The following DENND10 variants were observed in gnomAD, a reference collection of about 807,000 sequenced individuals.
The protein encoded by DENND10 is DENN domain-containing protein 10.
In DENND10, 24 loss-of-function variants were observed where a neutral mutation model predicts 43.6. The ratio of observed to expected loss-of-function variants is 0.55; its 90% CI spans 0.40 to 0.77. DENND10 has a LOEUF of 0.77. Ranked by LOEUF, DENND10 falls within the 30% of genes least tolerant of loss-of-function variation. The pLI is 0.00. For synonymous variants in DENND10, 125 were observed against 157.6 expected (o/e 0.79, Z 1.55); for missense variants, 303 against 429.9 (o/e 0.70, Z 2.61).
intron 8 of DENND10, among the ~76,000 whole-genome samples, chr10:119,135,807 A>AAAAAAAAAAAAAAAAAAAAAAAAAC (rs1846318828): frequency 6.7e-6 from 1 of 150,100 alleles, no homozygotes; most frequent in Non-Finnish European, 1.5e-5. Context: ...AAAAAAAAAA[A>AAAAAAAAAAAAAAAAAAAAAAAAAC]AAAAAAAAAC....
intron 7 of DENND10, among the ~76,000 whole-genome samples, chr10:119,131,125 G>T (rs1433640918): frequency 6.6e-6 from 1 of 152,206 alleles, no homozygotes; most frequent in African/African-American, 2.4e-5. Context: ...TCAGGAAAGG[G>T]TGTACTAGTG....
In DENND10 at chr10:119,117,703, C is replaced by T. The variant is rs774596962; in HGVS notation, c.481+36C>T. On this transcript the variant is annotated intron_variant, in intron 4 of 8. Transcript: ENST00000361432. ...AAAAAACAGGCCAGGGACGGTGGCT[C>T]ACGCCTGTAATCCCAACACTTTGGG... 5.6e-6 allele frequency: 9 copies of T among 1,607,848 alleles called. No individual in the cohort carries two copies. In the Admixed American group the frequency reaches 6.7e-5, roughly 12 times the overall value.
intron 3 of DENND10, among the ~76,000 whole-genome samples, chr10:119,112,133 G>A (rs924492069): frequency 2.0e-5 from 3 of 152,158 alleles, no homozygotes; most frequent in Non-Finnish European, 4.4e-5. Context: ...TCTAGGGGAA[G>A]AGAAGGAGCA....
rs1846408430 is a variant in DENND10 at position 119,137,413 on chromosome 10, G to A, written c.*766G>A. The A allele has an allele frequency of 6.9e-6, 1 of 144,910 alleles. No homozygotes were observed. The highest frequency in any genetic ancestry group is 1.5e-5 in the Non-Finnish European group (1 of 66,230). 9.0% of individuals were successfully genotyped at this position (144,910 alleles called of 1,614,324 possible). A position where few individuals can be genotyped will look rare whatever the true frequency, so the allele number is the denominator to read the frequency against. On this transcript the variant is annotated 3_prime_UTR_variant, in exon 9 of 9. Transcript: ENST00000361432. ...TAAGAAGCCCATTGAATATAAAAGT[G>A]TGTAGGACTGAAACAGTGACCTTAT...
chr10:119,115,382 ATTTTTTTTTTTTTT>A (rs397845392), intron 3 of DENND10, among the ~76,000 whole-genome samples: 1 of 48,392 alleles, frequency 2.1e-5, no homozygotes, highest in Non-Finnish European at 4.0e-5. Context: ...TGAATTGGTA[ATTTTTTTTTTTTTT>A]TTTTTTTTTG....
chr10:119,117,821 G>A (rs2133484257), intron 4 of DENND10, among the ~76,000 whole-genome samples, 154 bp downstream of exon 4: 1 of 152,218 alleles, frequency 6.6e-6, no homozygotes, highest in East Asian at 1.9e-4. Context: ...CAAAAAATTA[G>A]CCGGGCGTGG....
intron 6 of DENND10, among the ~76,000 whole-genome samples, chr10:119,128,843 A>C (rs2133521813): frequency 6.6e-6 from 1 of 152,162 alleles, no homozygotes; most frequent in East Asian, 1.9e-4. Context: ...GTGAGAACTC[A>C]ATCACGAGAA....
chr10:119,120,530 C>A, intron 5 of DENND10, 78 bp downstream of exon 5: 1 of 885,734 alleles, frequency 1.1e-6, no homozygotes, highest in Non-Finnish European at 1.9e-6. Flanking sequence ...GTGTGCTCTG[C>A]TGTGTTGCAC....
rs367836571 is a variant in DENND10, at chr10:119,135,791, T to TAAAAAAAAAAAAAAAAAAAAAAAAAA, written c.898-655_898-654insAAAAAAAAAAAAAAAAAAAAAAAAAA. On this transcript the variant is annotated intron_variant, in intron 8 of 8. Transcript: ENST00000361432. ...TACACTCAGAAAATGACTAAAATTGTAAAAAAAAAAAAAAAAAAAAAAAAA... is the reference window on the plus strand; with the variant it reads ...TACACTCAGAAAATGACTAAAATTGTAAAAAAAAAAAAAAAAAAAAAAAAAAAAAAAAAAAAAAAAAAAAAAAAAAA... Among the ~76,000 whole-genome samples, 27 of 64,018 alleles carry TAAAAAAAAAAAAAAAAAAAAAAAAAA rather than the reference T, an allele frequency of 4.2e-4. 3 individuals are homozygous for TAAAAAAAAAAAAAAAAAAAAAAAAAA. The highest frequency in any genetic ancestry group is 5.8e-4 in the Non-Finnish European group (21 of 36,018). The allele number at this position is 64,018 out of a possible 152,430, so 42.0% of individuals were successfully genotyped here.
chr10:119,104,302 A>T (rs1844573831), intron 1 of DENND10, 105 bp downstream of exon 1: 7 of 1,093,210 alleles, frequency 6.4e-6, no homozygotes, highest in Admixed American at 3.7e-5. Flanking sequence ...CGCCGACCGC[A>T]TGAGGAGGGC....
intron 1 of DENND10, among the ~76,000 whole-genome samples, chr10:119,106,055 G>A (rs528783303): frequency 1.6e-3 from 249 of 152,252 alleles, no homozygotes; most frequent in African/African-American, 5.8e-3. Context: ...TTAACTGGGC[G>A]TGGTGGTGCA....
At position 119,117,440 on chromosome 10, in the gene DENND10, C is replaced by T. The variant is rs1212684140; in HGVS notation, c.333-79C>T. 9.5e-6 allele frequency: 14 copies of T among 1,472,948 alleles called. No individual in the cohort carries two copies. The East Asian group carries it at 2.1e-4, about 22-fold the overall frequency. The allele number at this position is 1,472,948 out of a possible 1,614,324, so 91.2% of individuals were successfully genotyped here. A position where few individuals can be genotyped will look rare whatever the true frequency, so the allele number is the denominator to read the frequency against. ...GTGGCCTCGGATTCTTGAGAAGGCACCCATACCAGCCTGGGTGCACATCTG... is the reference window on the plus strand; with the variant it reads ...GTGGCCTCGGATTCTTGAGAAGGCATCCATACCAGCCTGGGTGCACATCTG... On this transcript the variant is annotated intron_variant, in intron 3 of 8. Transcript: ENST00000361432.
In DENND10 at chr10:119,123,696, G is replaced by A. The variant is rs145456946; in HGVS notation, c.694+127G>A. ...ACGATCTTAGCTCACCGCAACGTCC[G>A]CCTTCAATTCTCCTGCCTTAGCCTC... On this transcript the variant is annotated intron_variant, in intron 6 of 8. Coordinates refer to ENST00000361432, the MANE Select transcript of DENND10 (RefSeq NM_207009.4). 4.8e-4 allele frequency: 342 copies of A among 707,074 alleles called. No homozygotes were observed. The African/African-American group carries it at 5.0e-3, about 10-fold the overall frequency. The allele number at this position is 707,074 out of a possible 1,614,324, so 43.8% of individuals were successfully genotyped here.
At chr10:119,112,493 CTTTT>C (rs1353576739) in intron 3 of DENND10, among the ~76,000 whole-genome samples, 4 of 133,478 alleles carry the variant, frequency 3.0e-5, no homozygotes, top group Non-Finnish European at 3.2e-5. Flanking sequence ...TTTTCTTTTT[CTTTT>C]TTTTTTTTTT....
intron 5 of DENND10, 64 bp from the exon 6 acceptor site, chr10:119,123,405 G>T (rs540049436): frequency 2.0e-5 from 23 of 1,175,364 alleles, no homozygotes; most frequent in South Asian, 3.8e-5. Flanking sequence ...AGAGGAGAAG[G>T]GGGCAGGCTG....
At chr10:119,106,533 C>T (rs902734440) in intron 1 of DENND10, among the ~76,000 whole-genome samples, 5 of 152,000 alleles carry the variant, frequency 3.3e-5, no homozygotes, top group African/African-American at 4.8e-5. Flanking sequence ...TGTAGAGATG[C>T]GGTCTCACTA....
chr10:119,132,323 A>G lies in DENND10; in HGVS notation c.803-192A>G, dbSNP rs1296978334. On this transcript the variant is annotated intron_variant, in intron 7 of 8. Coordinates refer to ENST00000361432, the MANE Select transcript of DENND10 (RefSeq NM_207009.4). The surrounding 1 kb of genome is among the most constrained non-coding windows in gnomAD (Gnocchi z 4.2). ...TGTGTTTTTATGTTTGCCCAGAAGTATAAATCACGATTATATTATGCCTTT... is the reference window on the plus strand; with the variant it reads ...TGTGTTTTTATGTTTGCCCAGAAGTGTAAATCACGATTATATTATGCCTTT... Among the ~76,000 whole-genome samples, 7 of 152,204 alleles carry G rather than the reference A, an allele frequency of 4.6e-5. No homozygotes were observed. Among genetic ancestry groups the G allele is most frequent in the Non-Finnish European group, 1.0e-4 (7 of 68,048 alleles).
In DENND10 at chr10:119,108,149, T is replaced by A; in HGVS notation, c.237T>A (p.Ser79=). 6.2e-7 allele frequency: 1 copy of A among 1,612,172 alleles called. No homozygotes were observed. Among genetic ancestry groups the A allele is most frequent in the Non-Finnish European group, 8.5e-7 (1 of 1,178,704 alleles). The change falls in exon 2 of 9, where the codon TCT becomes TCA. Residue 79 remains serine, a synonymous_variant. Coordinates refer to ENST00000361432, the MANE Select transcript of DENND10 (RefSeq NM_207009.4). ...TCACAACAATTGAAGTTCCAGATTCTTCCATTTTGAAAAAGGTATGATTGC... is the reference window on the plus strand; with the variant it reads ...TCACAACAATTGAAGTTCCAGATTCATCCATTTTGAAAAAGGTATGATTGC... ...FYITTIEVPD[S]SILKKVTHFS...
At chr10:119,104,474 C>T (rs1048331606) in intron 1 of DENND10, among the ~76,000 whole-genome samples, 4 of 151,044 alleles carry the variant, frequency 2.6e-5, no homozygotes, top group African/African-American at 9.7e-5. Flanking sequence ...GGTGGAGCTC[C>T]CCCTGCACGC....
Sources: gnomAD v4.1 joint callset for allele counts (sites outside exome capture counted in the v4.1 genomes callset) on GRCh38, gnomAD v4.1.1 for gene constraint, Gnocchi (gnomAD v3.1) non-coding constraint, MANE v1.5 for transcripts, NCBI Gene and HGNC (gene_info 2026-07-23, HGNC 2026-07-21) for gene names.